QTMAN: variants seen among roughly 807,000 people sequenced by gnomAD.
QTMAN encodes the protein tRNA-queuosine alpha-mannosyltransferase.
the QTMAN span, among the ~76,000 whole-genome samples, chr2:144,029,490 C>T: frequency 3.9e-5 from 6 of 152,136 alleles, no homozygotes; most frequent in Non-Finnish European, 8.8e-5. Context: ...CCACTACCCG[C>T]CTTCCCTTGT....
At chr2:144,038,654 T>C in the QTMAN span, among the ~76,000 whole-genome samples, 1 of 152,180 alleles carries the variant, frequency 6.6e-6, no homozygotes, top group Non-Finnish European at 1.5e-5. Flanking sequence ...ATAACAACAA[T>C]AGCAGCAATC....
At chr2:143,977,261 A>AC in the QTMAN span, among the ~76,000 whole-genome samples, 3 of 152,208 alleles carry the variant, frequency 2.0e-5, no homozygotes, top group African/African-American at 7.2e-5. Flanking sequence ...ACCAAAAAAA[A>AC]GGAGCAGTCT....
chr2:143,993,079 T>C, the QTMAN span, among the ~76,000 whole-genome samples: 1 of 152,202 alleles, frequency 6.6e-6, no homozygotes, highest in Admixed American at 6.5e-5. Context: ...ATAATGAACA[T>C]TATTAATGTT....
At chr2:144,228,763 A>C in the QTMAN span, among the ~76,000 whole-genome samples, 1 of 152,160 alleles carries the variant, frequency 6.6e-6, no homozygotes, top group African/African-American at 2.4e-5. Flanking sequence ...GTTCGAGATG[A>C]GCCTGATCAA....
At chr2:144,031,705 A>G in the QTMAN span, among the ~76,000 whole-genome samples, 7 of 152,232 alleles carry the variant, frequency 4.6e-5, no homozygotes, top group African/African-American at 1.7e-4. Context: ...TTACTTTGGA[A>G]TTTTTATGCA....
At chr2:144,231,843 GGTGTGTGTGTGTGTGTGTGTGTGTGT>G in the QTMAN span, among the ~76,000 whole-genome samples, 14 of 138,446 alleles carry the variant, frequency 1.0e-4, no homozygotes, top group East Asian at 2.3e-3. Flanking sequence ...GAATGAAAGA[GGTGTGTGTGTGTGTGTGTGTGTGTGT>G]GTGTGTGTGT....
chr2:144,282,392 TTA>T, the QTMAN span, among the ~76,000 whole-genome samples: 3 of 148,638 alleles, frequency 2.0e-5, no homozygotes, highest in Admixed American at 6.7e-5. Flanking sequence ...TATTTATATA[TTA>T]TATATATGTA....
chr2:144,204,641 G>A, the QTMAN span, among the ~76,000 whole-genome samples: 1 of 152,104 alleles, frequency 6.6e-6, no homozygotes, highest in African/African-American at 2.4e-5. Flanking sequence ...TCTCATTACT[G>A]GGTATATGCC....
the QTMAN span, among the ~76,000 whole-genome samples, chr2:144,315,307 C>T: frequency 6.6e-6 from 1 of 152,172 alleles, no homozygotes; most frequent in Admixed American, 6.5e-5. Flanking sequence ...TCATAACAAA[C>T]TTATAGCCTA....
the QTMAN span, among the ~76,000 whole-genome samples, chr2:144,318,190 A>G: frequency 7.8e-6 from 1 of 128,368 alleles, no homozygotes; most frequent in Non-Finnish European, 1.6e-5. Context: ...GCTCTATTTA[A>G]ATAAACACAC....
the QTMAN span, among the ~76,000 whole-genome samples, chr2:144,238,138 T>C: frequency 6.6e-6 from 1 of 152,186 alleles, no homozygotes; most frequent in Non-Finnish European, 1.5e-5. Flanking sequence ...AAGCTCAAGC[T>C]AAAAACATTT....
chr2:144,278,492 T>C, the QTMAN span, among the ~76,000 whole-genome samples: 1 of 151,924 alleles, frequency 6.6e-6, no homozygotes, highest in Middle Eastern at 3.4e-3. Flanking sequence ...GCTTTACATG[T>C]AGTCTCACTT....
the QTMAN span, among the ~76,000 whole-genome samples, chr2:144,061,267 AT>A: frequency 6.6e-6 from 1 of 152,188 alleles, no homozygotes; most frequent in Admixed American, 6.5e-5. Context: ...TATAATTAAT[AT>A]TTGATAAGGA....
the QTMAN span, among the ~76,000 whole-genome samples, chr2:144,090,886 T>C: frequency 1.3e-5 from 2 of 152,006 alleles, no homozygotes; most frequent in Non-Finnish European, 2.9e-5. Flanking sequence ...GAACTTAGAA[T>C]AGCCAAAGCA....
chr2:144,232,950 C>G, the QTMAN span, among the ~76,000 whole-genome samples: 1 of 152,212 alleles, frequency 6.6e-6, no homozygotes, highest in East Asian at 1.9e-4. Flanking sequence ...TTTTACCTTG[C>G]ATTTTTTATT....
At chr2:143,967,384 G>C in the QTMAN span, among the ~76,000 whole-genome samples, 1 of 151,128 alleles carries the variant, frequency 6.6e-6, no homozygotes, top group African/African-American at 2.4e-5. Flanking sequence ...AGGCTGGAGT[G>C]CAATGGCATG....
chr2:144,019,379 TG>T, the QTMAN span, among the ~76,000 whole-genome samples: 1 of 150,564 alleles, frequency 6.6e-6, no homozygotes, highest in Non-Finnish European at 1.5e-5. Context: ...GGAAAGCAGA[TG>T]GATGAGCGGT....
At chr2:143,990,285 T>C in the QTMAN span, among the ~76,000 whole-genome samples, 2 of 152,044 alleles carry the variant, frequency 1.3e-5, no homozygotes, top group African/African-American at 4.8e-5. Flanking sequence ...ACATTCTTAA[T>C]TTGGGAAAAA....
At chr2:144,115,486 C>T in the QTMAN span, among the ~76,000 whole-genome samples, 1 of 152,342 alleles carries the variant, frequency 6.6e-6, no homozygotes, top group South Asian at 2.1e-4. Context: ...TTCTTTCACA[C>T]TTACTACTAA....
Sources: gnomAD v4.1 joint callset for allele counts (sites outside exome capture counted in the v4.1 genomes callset) on GRCh38, gnomAD v4.1.1 for gene constraint, MANE v1.5 for transcripts, NCBI Gene and HGNC (gene_info 2026-07-23, HGNC 2026-07-21) for gene names.